Variants in GLMN observed in about 807,000 individuals in gnomAD.
GLMN encodes glomulin.
A neutral mutation model predicts 87.8 loss-of-function variants in GLMN; 75 were observed. The observed-to-expected ratio is 0.85, with a 90% CI of 0.71 to 1.04. The LOEUF is 1.04. Among genes scored for constraint, GLMN ranks in the 50% least tolerant of loss-of-function variants. GLMN has a pLI of 0.00. For synonymous variants in GLMN, 206 were observed against 221.6 expected, an observed-to-expected ratio of 0.93 and a Z score of 0.63; for missense variants, 588 against 658.8, an observed-to-expected ratio of 0.89 and a Z score of 1.18.
chr1:92,288,403 G>T (rs1398512045), intron 6 of GLMN, among the ~76,000 whole-genome samples: 1 of 151,994 alleles, frequency 6.6e-6, no homozygotes, highest in Non-Finnish European at 1.5e-5. Flanking sequence ...TAAAGTAAAT[G>T]AATGGATTTT....
the GLMN span, chr1:92,304,065 A>G: frequency 6.2e-7 from 1 of 1,606,974 alleles, no homozygotes; most frequent in Non-Finnish European, 8.5e-7. Context: ...TGTCAGAAGA[A>G]GCTGGGAATT....
chr1:92,250,713 A>G (rs1188760633), intron 16 of GLMN, among the ~76,000 whole-genome samples: 1 of 152,226 alleles, frequency 6.6e-6, no homozygotes, highest in Non-Finnish European at 1.5e-5. Flanking sequence ...ACAATTCAAA[A>G]GTAAACATCA....
At chr1:92,355,097 T>C in the GLMN span, among the ~76,000 whole-genome samples, 1 of 152,046 alleles carries the variant, frequency 6.6e-6, no homozygotes, top group Non-Finnish European at 1.5e-5. Context: ...GGGATAGGGT[T>C]TGACCACATT....
the GLMN span, chr1:92,323,802 A>G: frequency 3.7e-6 from 6 of 1,614,006 alleles, no homozygotes; most frequent in South Asian, 3.3e-5. Context: ...CTTTACAGAA[A>G]GTAAATACTC....
At chr1:92,323,754 A>AT in the GLMN span, 1 of 1,614,176 alleles carries the variant, frequency 6.2e-7, no homozygotes, top group African/African-American at 1.3e-5. Flanking sequence ...GCGATTGCAA[A>AT]TTAGATAGTC....
the GLMN span, among the ~76,000 whole-genome samples, chr1:92,351,034 C>T: frequency 2.3e-4 from 35 of 151,976 alleles, no homozygotes; most frequent in African/African-American, 7.5e-4. Flanking sequence ...GGACAGTAGG[C>T]GGGGTGCAGT....
Position 92,269,733 on chromosome 1 carries a change from AG to A in GLMN, c.966del (p.Leu324CysfsTer21). Reference sequence around the variant, plus strand: ...TCTAAACGATCTTACCTTTGCAAAAAGACTTCAATGTGCCCCATATTAAACT... The same window carrying A: ...TCTAAACGATCTTACCTTTGCAAAAAACTTCAATGTGCCCCATATTAAACT... ...LLQFNMGHIE[V>X]FLQRTEESVI... On this transcript the variant is annotated frameshift_variant, in exon 9 of 19. Transcript: ENST00000370360. LOFTEE classifies it high-confidence loss of function. 6.2e-7 allele frequency: 1 copy of A among 1,608,108 alleles called. No individual in the cohort carries two copies. Among genetic ancestry groups the A allele is most frequent in the Non-Finnish European group, 8.5e-7 (1 of 1,174,660 alleles).
intron 17 of GLMN, 97 bp downstream of exon 17, chr1:92,247,781 T>TA (rs1182888148): frequency 4.7e-5 from 33 of 704,336 alleles, no homozygotes; most frequent in African/African-American, 1.4e-4. Flanking sequence ...GTCTCTAAAG[T>TA]ACAAGATTTT....
In GLMN at chr1:92,297,956, C is replaced by T. The variant is rs779797529; in HGVS notation, c.39+5G>A. The stretch of plus-strand genomic sequence containing the variant: ...GTATTTAATTTTACAAAAATTAATA[C>T]TTACACATCTCTTTATTATAGACTG... On this transcript the variant is annotated splice_donor_5th_base_variant and intron_variant, in intron 2 of 18. Coordinates refer to ENST00000370360, the MANE Select transcript of GLMN (RefSeq NM_053274.3). 7.4e-7 allele frequency: 1 copy of T among 1,342,656 alleles called. No homozygotes were observed. Among genetic ancestry groups the T allele is most frequent in the Non-Finnish European group, 1.1e-6 (1 of 933,244 alleles). 83.2% of individuals were successfully genotyped at this position (1,342,656 alleles called of 1,614,324 possible).
At chr1:92,353,027 C>A in the GLMN span, among the ~76,000 whole-genome samples, 1 of 152,200 alleles carries the variant, frequency 6.6e-6, no homozygotes, top group Non-Finnish European at 1.5e-5. Context: ...AACAGTACTT[C>A]ATTCCTTTTT....
chr1:92,286,747 G>A (rs1648800891), intron 6 of GLMN, among the ~76,000 whole-genome samples, 155 bp from the exon 7 acceptor site: 1 of 152,174 alleles, frequency 6.6e-6, no homozygotes, highest in South Asian at 2.1e-4. Flanking sequence ...AAATTTAACT[G>A]CCATAAGGAG....
chr1:92,357,812 G>A, the GLMN span, among the ~76,000 whole-genome samples: 2 of 152,242 alleles, frequency 1.3e-5, no homozygotes, highest in Admixed American at 6.5e-5. Context: ...GATTACAGGC[G>A]TGAGCCACCA....
intron 9 of GLMN, 37 bp downstream of exon 9, chr1:92,269,686 A>G (rs781361935): frequency 5.8e-6 from 8 of 1,368,008 alleles, no homozygotes; most frequent in Admixed American, 5.0e-5. Flanking sequence ...TTTTAACACT[A>G]CTATTTCATT....
chr1:92,279,829 A>G (rs1412919984), intron 7 of GLMN, among the ~76,000 whole-genome samples: 1 of 152,258 alleles, frequency 6.6e-6, no homozygotes, highest in Non-Finnish European at 1.5e-5. Context: ...GGTGGGTCCC[A>G]CACCCACAGA....
the GLMN span, among the ~76,000 whole-genome samples, chr1:92,370,676 G>T: frequency 6.6e-6 from 1 of 151,766 alleles, no homozygotes. Flanking sequence ...TTAAGAAAGG[G>T]TCTATTCTGC....
intron 2 of GLMN, 64 bp downstream of exon 2, chr1:92,297,897 A>T: frequency 1.2e-6 from 1 of 859,162 alleles, no homozygotes; most frequent in Non-Finnish European, 2.0e-6. Flanking sequence ...AAATATAATT[A>T]AAAACAATCT....
chr1:92,297,908 G>T, intron 2 of GLMN, 53 bp downstream of exon 2: 1 of 879,902 alleles, frequency 1.1e-6, no homozygotes, highest in African/African-American at 1.6e-5. Flanking sequence ...AAAACAATCT[G>T]TGCCCTTCCC....
chr1:92,356,134 A>T, the GLMN span, among the ~76,000 whole-genome samples: 3 of 144,926 alleles, frequency 2.1e-5, no homozygotes, highest in African/African-American at 4.9e-5. Context: ...TTTACATTTT[A>T]TTTATTTATT....
At chr1:92,312,785 C>T in the GLMN span, among the ~76,000 whole-genome samples, 1 of 152,038 alleles carries the variant, frequency 6.6e-6, no homozygotes, top group African/African-American at 2.4e-5. Context: ...GATATTTTGG[C>T]CTCCTCCCAT....
Sources: gnomAD v4.1 joint callset for allele counts (sites outside exome capture counted in the v4.1 genomes callset) on GRCh38, gnomAD v4.1.1 for gene constraint, MANE v1.5 for transcripts, NCBI Gene and HGNC (gene_info 2026-07-23, HGNC 2026-07-21) for gene names.